The following NHLRC2 variants were observed in gnomAD, a reference collection of about 807,000 sequenced individuals.
The protein encoded by NHLRC2 is NHL repeat-containing protein 2.
A neutral mutation model predicts 68.1 loss-of-function variants in NHLRC2; 33 were observed. That is an observed-to-expected ratio of 0.48 (90% confidence interval 0.37 to 0.65). The LOEUF (loss-of-function observed/expected upper bound fraction) is 0.65. Among genes scored for constraint, NHLRC2 ranks in the 30% least tolerant of loss-of-function variants. The pLI is 0.00. For missense variants in NHLRC2, 761 were observed against 853.8 expected (o/e 0.89, Z 1.35); for synonymous variants, 311 against 309.6 (o/e 1.00, Z -0.05).
Position 113,854,833 on chromosome 10 carries a change from C to T in NHLRC2, c.-40C>T. 1 of 1,515,926 alleles carries T rather than the reference C, an allele frequency of 6.6e-7. No homozygotes were observed. The highest frequency in any genetic ancestry group is 8.8e-7 in the Non-Finnish European group (1 of 1,131,252). The allele number at this position is 1,515,926 out of a possible 1,614,324, so 93.9% of individuals were successfully genotyped here. A position where few individuals can be genotyped will look rare whatever the true frequency, so the allele number is the denominator to read the frequency against. Reference sequence around the variant, plus strand: ...GTTTCGTCTCTCCCAGCGAGACTCTCCCGCGGGCCCGGCGGCCGCATCGGG... The same window carrying T: ...GTTTCGTCTCTCCCAGCGAGACTCTTCCGCGGGCCCGGCGGCCGCATCGGG... On this transcript the variant is annotated 5_prime_UTR_variant, in exon 1 of 11. Transcript: ENST00000369301.
intron 5 of NHLRC2, among the ~76,000 whole-genome samples, chr10:113,884,993 T>C (rs980404430): frequency 2.9e-4 from 44 of 151,832 alleles, no homozygotes; most frequent in African/African-American, 9.7e-4. Context: ...TTATTTTTTA[T>C]TGGCTCTCAG....
chr10:113,861,074 A>G (rs1178840073), intron 2 of NHLRC2, among the ~76,000 whole-genome samples: 1 of 152,188 alleles, frequency 6.6e-6, no homozygotes, highest in South Asian at 2.1e-4. Context: ...GTCAGGGGCC[A>G]TGTAGAGACT....
At chr10:113,892,899 A>C (rs1846145478) in intron 5 of NHLRC2, among the ~76,000 whole-genome samples, 1 of 152,206 alleles carries the variant, frequency 6.6e-6, no homozygotes. Context: ...CCATGAGGAT[A>C]AGAATTAATA....
Position 113,911,921 on chromosome 10 carries a change from C to T in NHLRC2, c.*3385C>T, listed in dbSNP as rs765260057. ...GAGCAATCTGTTATTTTTAAAATCA[C>T]GGTGGGGGGAAACCCATAAAGTTTA... On this transcript the variant is annotated 3_prime_UTR_variant, in exon 11 of 11. Coordinates refer to ENST00000369301, the MANE Select transcript of NHLRC2 (RefSeq NM_198514.4). 6.6e-6 allele frequency: 1 copy of T among 151,116 alleles called. No homozygotes were observed. The highest frequency in any genetic ancestry group is 1.5e-5 in the Non-Finnish European group (1 of 67,800). The allele number at this position is 151,116 out of a possible 1,614,324, so 9.4% of individuals were successfully genotyped here.
intron 5 of NHLRC2, among the ~76,000 whole-genome samples, chr10:113,895,406 C>T (rs151144854): frequency 1.6e-3 from 240 of 152,188 alleles, no homozygotes; most frequent in African/African-American, 5.5e-3. Flanking sequence ...AAATATGTAA[C>T]ATGTAAGATA....
chr10:113,865,574 T>C (rs1409763110), intron 2 of NHLRC2, among the ~76,000 whole-genome samples: 1 of 151,616 alleles, frequency 6.6e-6, no homozygotes, highest in Non-Finnish European at 1.5e-5. Flanking sequence ...CTTTTCTTTT[T>C]TTTTTTTTTA....
At chr10:113,889,136 A>G (rs1332757275) in intron 5 of NHLRC2, among the ~76,000 whole-genome samples, 4 of 152,008 alleles carry the variant, frequency 2.6e-5, no homozygotes, top group Non-Finnish European at 5.9e-5. Context: ...CAAAACCCCT[A>G]TCAGTATCTA....
chr10:113,897,025 A>G (rs2134730881), intron 5 of NHLRC2, among the ~76,000 whole-genome samples: 2 of 152,136 alleles, frequency 1.3e-5, no homozygotes, highest in East Asian at 3.9e-4. Flanking sequence ...GAACCAATAA[A>G]TGCTTTGAAA....
intron 8 of NHLRC2, 74 bp downstream of exon 8, chr10:113,902,667 C>T (rs1274039545): frequency 6.4e-6 from 8 of 1,241,170 alleles, no homozygotes; most frequent in Non-Finnish European, 9.3e-6. Flanking sequence ...ATCTGTGAGC[C>T]TCCTACAACT....
chr10:113,868,495 G>T (rs974519217), intron 2 of NHLRC2, among the ~76,000 whole-genome samples: 1 of 152,132 alleles, frequency 6.6e-6, no homozygotes, highest in Non-Finnish European at 1.5e-5. Flanking sequence ...GTGTTTGTAC[G>T]TAGATCAATA....
At position 113,858,638 on chromosome 10, in the gene NHLRC2, T is replaced by G. The variant is rs199913518; in HGVS notation, c.289T>G (p.Leu97Val). The G allele has an allele frequency of 1.7e-5, 27 of 1,610,952 alleles. No homozygotes were observed. Among genetic ancestry groups the G allele is most frequent in the Non-Finnish European group, 2.3e-5 (27 of 1,177,184 alleles). ...TYCCINCIHL[L>V]PDLHALEHTY... ...CTGCTGCATAAACTGTATTCACCTA[T>G]TGCCTGATCTCCATGCATTAGAACA... Residue 97 changes from leucine to valine, a missense_variant, in exon 2 of 11, where the codon TTG becomes GTG. Transcript: ENST00000369301.
intron 2 of NHLRC2, among the ~76,000 whole-genome samples, chr10:113,860,380 G>T (rs1279266201): frequency 6.6e-6 from 1 of 152,020 alleles, no homozygotes; most frequent in Non-Finnish European, 1.5e-5. Flanking sequence ...TGTTTTTATA[G>T]CACATTGTGA....
At chr10:113,877,834 T>C (rs1277832814) in intron 3 of NHLRC2, among the ~76,000 whole-genome samples, 1 of 152,182 alleles carries the variant, frequency 6.6e-6, no homozygotes, top group African/African-American at 2.4e-5. Context: ...CAAGATACAG[T>C]ATGTGTTGTG....
intron 6 of NHLRC2, among the ~76,000 whole-genome samples, chr10:113,899,511 CT>C (rs1279647415): frequency 6.6e-6 from 1 of 152,036 alleles, no homozygotes; most frequent in Non-Finnish European, 1.5e-5. Context: ...ATGAAATATG[CT>C]CACTATGTTA....
At chr10:113,894,487 T>C (rs1282266686) in intron 5 of NHLRC2, among the ~76,000 whole-genome samples, 1 of 152,180 alleles carries the variant, frequency 6.6e-6, no homozygotes. Flanking sequence ...CTGTATAAAA[T>C]TGTGAAGATT....
At chr10:113,885,686 A>G (rs771898596) in intron 5 of NHLRC2, among the ~76,000 whole-genome samples, 1 of 152,058 alleles carries the variant, frequency 6.6e-6, no homozygotes, top group East Asian at 1.9e-4. Flanking sequence ...AAATATAGCA[A>G]GGGATATTTT....
chr10:113,870,306 C>T (rs1182764106), intron 2 of NHLRC2, among the ~76,000 whole-genome samples: 1 of 152,044 alleles, frequency 6.6e-6, no homozygotes. Flanking sequence ...TCATTCTATC[C>T]ACCCATCCCT....
chr10:113,879,636 G>A lies in NHLRC2; in HGVS notation c.850G>A (p.Val284Ile), dbSNP rs41292636. Residue 284 changes from valine to isoleucine, a missense_variant, in exon 4 of 11, where the codon GTA becomes ATA. Val to Ile is a conservative substitution (Grantham distance 29). Coordinates refer to ENST00000369301, the MANE Select transcript of NHLRC2 (RefSeq NM_198514.4). ...SESTFNSPQG[V>I]AIMNNIIYVA... ...ATCAACTTTTAATTCTCCACAGGGT[G>A]TAGCCATAATGAATAATATCATATA... The A allele has an allele frequency of 2.5e-6, 4 of 1,574,926 alleles. No individual in the cohort carries two copies. The highest frequency in any genetic ancestry group is 2.3e-5 in the East Asian group (1 of 44,228).
At position 113,912,984 on chromosome 10, in the gene NHLRC2, A is replaced by G. The variant is rs1353084385; in HGVS notation, c.*4448A>G. The G allele has an allele frequency of 2.0e-5, 3 of 152,190 alleles. No homozygotes were observed. Among genetic ancestry groups the G allele is most frequent in the African/African-American group, 7.2e-5 (3 of 41,440 alleles). 9.4% of individuals were successfully genotyped at this position (152,190 alleles called of 1,614,324 possible). A position where few individuals can be genotyped will look rare whatever the true frequency, so the allele number is the denominator to read the frequency against. On this transcript the variant is annotated 3_prime_UTR_variant, in exon 11 of 11. Coordinates refer to ENST00000369301, the MANE Select transcript of NHLRC2 (RefSeq NM_198514.4). ...GCCTTCACATAAAATAACAAGAATA[A>G]TAGATATTTATTGAGTAGATATTTA... is the stretch of plus-strand genomic sequence containing the variant.
Sources: allele counts gnomAD v4.1 joint callset (sites outside exome capture counted in the v4.1 genomes callset), GRCh38; gene constraint gnomAD v4.1.1; transcripts MANE v1.5; gene names NCBI Gene and HGNC (gene_info 2026-07-23, HGNC 2026-07-21).